Variants in PACRG observed in about 807,000 individuals in gnomAD.
PACRG encodes the protein parkin coregulated.
Under a neutral mutation model 29.7 loss-of-function variants are expected in PACRG, and 29 were observed. That is an observed-to-expected ratio of 0.98 (90% CI 0.73 to 1.33). The LOEUF (loss-of-function observed/expected upper bound fraction) is 1.33, where lower values mean the gene tolerates loss of function less well. PACRG is among the 40% of genes most tolerant of loss of function. The probability of loss-of-function intolerance (pLI) is 0.00; values close to 1 mark genes in which losing one functional copy is unlikely to be tolerated. For synonymous variants in PACRG, 116 were observed against 118.7 expected, an observed-to-expected ratio of 0.98 and a Z score of 0.15; for missense variants, 279 against 316.2, an observed-to-expected ratio of 0.88 and a Z score of 0.89.
intron 4 of PACRG, among the ~76,000 whole-genome samples, chr6:163,186,808 G>A (rs894281455): frequency 3.3e-5 from 5 of 152,214 alleles, no homozygotes; most frequent in African/African-American, 1.2e-4. Context: ...CTCCCTGGAG[G>A]TGCTTCTGTT....
chr6:162,759,687 G>A (rs977336857), intron 1 of PACRG, among the ~76,000 whole-genome samples: 5 of 152,056 alleles, frequency 3.3e-5, no homozygotes, highest in African/African-American at 7.2e-5. Flanking sequence ...AAAGGTGGTC[G>A]ATCTGCTAAG....
chr6:162,785,825 C>A (rs762964557), intron 1 of PACRG, among the ~76,000 whole-genome samples: 1 of 152,164 alleles, frequency 6.6e-6, no homozygotes, highest in Non-Finnish European at 1.5e-5. Context: ...GGCCACGGAC[C>A]ACTAGCGGTG....
intron 4 of PACRG, among the ~76,000 whole-genome samples, chr6:163,269,362 T>C (rs1783649307): frequency 6.6e-6 from 1 of 152,240 alleles, no homozygotes; most frequent in Non-Finnish European, 1.5e-5. Flanking sequence ...ACTTGAAGCT[T>C]GACTGAGGGT....
At chr6:163,242,292 A>G (rs1051356325) in intron 4 of PACRG, among the ~76,000 whole-genome samples, 1 of 152,230 alleles carries the variant, frequency 6.6e-6, no homozygotes, top group Non-Finnish European at 1.5e-5. Flanking sequence ...GCAAATCACT[A>G]ACAGATAGAT....
chr6:162,841,605 C>T (rs1789776815), intron 2 of PACRG, among the ~76,000 whole-genome samples: 1 of 150,374 alleles, frequency 6.7e-6, no homozygotes, highest in Non-Finnish European at 1.5e-5. Context: ...TTCAGTTCTG[C>T]TCTGATTTTA....
intron 4 of PACRG, among the ~76,000 whole-genome samples, chr6:163,248,636 C>T (rs1176038700): frequency 5.9e-5 from 9 of 152,198 alleles, no homozygotes; most frequent in Non-Finnish European, 5.9e-5. Flanking sequence ...CAATTTCCAA[C>T]AGGAGCCCAA....
At chr6:162,999,654 A>G (rs559349789) in intron 2 of PACRG, among the ~76,000 whole-genome samples, 1 of 152,392 alleles carries the variant, frequency 6.6e-6, no homozygotes, top group African/African-American at 2.4e-5. Flanking sequence ...TTAGCATTCT[A>G]CATAGTAAAA....
intron 4 of PACRG, among the ~76,000 whole-genome samples, chr6:163,121,348 T>C (rs1816257386): frequency 6.6e-6 from 1 of 152,228 alleles, no homozygotes; most frequent in South Asian, 2.1e-4. Flanking sequence ...CCTTATCTTT[T>C]TGCTAAATAT....
chr6:162,947,374 A>AT (rs1562765906), intron 2 of PACRG, among the ~76,000 whole-genome samples: 2 of 103,970 alleles, frequency 1.9e-5, no homozygotes, highest in African/African-American at 3.6e-5. Context: ...AATCATATAT[A>AT]ATCATATATA....
intron 4 of PACRG, among the ~76,000 whole-genome samples, chr6:163,117,095 A>G (rs1377522811): frequency 1.3e-5 from 2 of 152,216 alleles, no homozygotes; most frequent in South Asian, 2.1e-4. Flanking sequence ...TCAGAAAGCC[A>G]GGAGAGGAAA....
At chr6:162,808,724 TG>T (rs1786574588) in intron 1 of PACRG, among the ~76,000 whole-genome samples, 1 of 152,198 alleles carries the variant, frequency 6.6e-6, no homozygotes, top group African/African-American at 2.4e-5. Context: ...TCTTCCCAAT[TG>T]GTTTACAGAT....
At chr6:162,912,772 A>G (rs1480989743) in intron 2 of PACRG, among the ~76,000 whole-genome samples, 3 of 151,768 alleles carry the variant, frequency 2.0e-5, no homozygotes, top group Admixed American at 6.6e-5. Context: ...GGGTTTCACA[A>G]TGTTGGCCGG....
At chr6:163,244,943 C>A in intron 4 of PACRG, 1 of 394,436 alleles carries the variant, frequency 2.5e-6, no homozygotes, top group Non-Finnish European at 5.1e-6. Flanking sequence ...TTTTTAGTAA[C>A]CCATCGACAA....
intron 2 of PACRG, among the ~76,000 whole-genome samples, chr6:162,850,119 A>G (rs1260810681): frequency 1.3e-5 from 2 of 152,232 alleles, no homozygotes; most frequent in Non-Finnish European, 2.9e-5. Flanking sequence ...GGAATTTTAC[A>G]GATAATATCT....
chr6:162,932,082 A>G (rs1313099990), intron 2 of PACRG, among the ~76,000 whole-genome samples: 1 of 152,070 alleles, frequency 6.6e-6, no homozygotes, highest in African/African-American at 2.4e-5. Flanking sequence ...TCAGCAATAA[A>G]AAGAAATGAA....
intron 4 of PACRG, among the ~76,000 whole-genome samples, chr6:163,280,691 C>T (rs1308785169): frequency 6.6e-6 from 1 of 152,206 alleles, no homozygotes; most frequent in Non-Finnish European, 1.5e-5. Context: ...AGGTGACCAC[C>T]TTCTCACTGT....
chr6:162,966,987 G>A (rs565608514), intron 2 of PACRG, among the ~76,000 whole-genome samples: 13 of 152,226 alleles, frequency 8.5e-5, no homozygotes, highest in Admixed American at 7.2e-4. Flanking sequence ...ATATAAAACC[G>A]TACAGCTTCA....
chr6:162,834,496 T>G (rs960545983), intron 2 of PACRG, among the ~76,000 whole-genome samples: 1 of 152,076 alleles, frequency 6.6e-6, no homozygotes, highest in African/African-American at 2.4e-5. Context: ...TAATATCCCT[T>G]AAACCAATGG....
intron 4 of PACRG, among the ~76,000 whole-genome samples, chr6:163,106,995 A>G (rs1282354960): frequency 2.0e-5 from 3 of 152,204 alleles, no homozygotes; most frequent in Non-Finnish European, 4.4e-5. Flanking sequence ...GATGAGTTGC[A>G]AATAATGATC....
Sources: gnomAD v4.1 joint callset for allele counts (sites outside exome capture counted in the v4.1 genomes callset) on GRCh38, gnomAD v4.1.1 for gene constraint, MANE v1.5 for transcripts, NCBI Gene and HGNC (gene_info 2026-07-23, HGNC 2026-07-21) for gene names.